The following EXOC6B variants were observed in gnomAD, a reference collection of about 807,000 sequenced individuals.
The protein encoded by EXOC6B is exocyst complex component 6B.
EXOC6B carries 54 observed loss-of-function variants against 113.5 expected under a neutral mutation model. The observed-to-expected ratio is 0.48, with a 90% confidence interval of 0.38 to 0.60. The LOEUF is 0.60. Among genes scored for constraint, EXOC6B ranks in the 20% least tolerant of loss-of-function variants. The pLI is 0.00. For missense variants in EXOC6B, 797 were observed against 977.5 expected (o/e 0.82, Z 2.46); for synonymous variants, 357 against 339.0 (o/e 1.05, Z -0.58).
intron 6 of EXOC6B, among the ~76,000 whole-genome samples, chr2:72,667,395 C>CA (rs1675470282): frequency 6.6e-6 from 1 of 151,868 alleles, no homozygotes; most frequent in African/African-American, 2.4e-5. Flanking sequence ...CATATGGAAC[C>CA]AAAAAAGAGC....
intron 6 of EXOC6B, among the ~76,000 whole-genome samples, chr2:72,700,832 T>C (rs984777765): frequency 6.6e-6 from 1 of 152,104 alleles, no homozygotes; most frequent in African/African-American, 2.4e-5. Flanking sequence ...GTGCCTGTAA[T>C]CCCAGCTACT....
chr2:72,694,885 A>G (rs550201291), intron 6 of EXOC6B, among the ~76,000 whole-genome samples: 1 of 152,336 alleles, frequency 6.6e-6, no homozygotes, highest in South Asian at 2.1e-4. Context: ...TTCACCCTGG[A>G]GCCCTCCATT....
At chr2:72,257,572 T>C (rs1683429612) in intron 20 of EXOC6B, among the ~76,000 whole-genome samples, 1 of 152,208 alleles carries the variant, frequency 6.6e-6, no homozygotes, top group South Asian at 2.1e-4. Context: ...CTTAATGCAG[T>C]GTGTTAACAA....
At chr2:72,476,176 A>G (rs145840458) in intron 17 of EXOC6B, among the ~76,000 whole-genome samples, 49 of 152,250 alleles carry the variant, frequency 3.2e-4, no homozygotes, top group African/African-American at 1.2e-3. Context: ...AGACTCTCCT[A>G]TTGCCAGGAT....
chr2:72,183,002 G>T, intron 21 of EXOC6B: 1 of 784,430 alleles, frequency 1.3e-6, no homozygotes, highest in Non-Finnish European at 1.7e-6. Flanking sequence ...TGCAGTCTGA[G>T]TTTTTAGTCT....
chr2:72,401,959 T>A (rs1693363480), intron 18 of EXOC6B, among the ~76,000 whole-genome samples: 2 of 151,396 alleles, frequency 1.3e-5, no homozygotes, highest in Admixed American at 1.3e-4. Flanking sequence ...TGACATAAGA[T>A]TTTTTTTAAA....
intron 6 of EXOC6B, among the ~76,000 whole-genome samples, chr2:72,680,727 A>G (rs1676639493): frequency 6.6e-6 from 1 of 151,948 alleles, no homozygotes; most frequent in Admixed American, 6.6e-5. Context: ...TGACAGAGCA[A>G]GACTCCATCT....
At chr2:72,306,739 A>G (rs1473897526) in intron 20 of EXOC6B, among the ~76,000 whole-genome samples, 2 of 152,140 alleles carry the variant, frequency 1.3e-5, no homozygotes, top group Non-Finnish European at 2.9e-5. Context: ...AATTTACTCA[A>G]TTATATCTAA....
At chr2:72,449,447 A>T (rs1443598766) in intron 18 of EXOC6B, among the ~76,000 whole-genome samples, 1 of 151,738 alleles carries the variant, frequency 6.6e-6, no homozygotes, top group Non-Finnish European at 1.5e-5. Context: ...CTGGAATTAC[A>T]AGCGTGAGCC....
chr2:72,391,600 G>A (rs1041942722), intron 18 of EXOC6B, among the ~76,000 whole-genome samples: 5 of 152,108 alleles, frequency 3.3e-5, no homozygotes, highest in Non-Finnish European at 2.9e-5. Context: ...AAATTCTCAA[G>A]CATTCTCAAG....
intron 6 of EXOC6B, among the ~76,000 whole-genome samples, chr2:72,710,913 A>G (rs376737754): frequency 1.1e-4 from 16 of 152,324 alleles, no homozygotes; most frequent in African/African-American, 3.1e-4. Flanking sequence ...AATCAGTTAC[A>G]TAACCCATAT....
intron 6 of EXOC6B, among the ~76,000 whole-genome samples, chr2:72,637,441 AC>A (rs1445195050): frequency 6.6e-6 from 1 of 152,154 alleles, no homozygotes; most frequent in Non-Finnish European, 1.5e-5. Flanking sequence ...CAAGAAAAAA[AC>A]AAACAACTCC....
At chr2:72,217,902 A>C (rs1365086765) in intron 20 of EXOC6B, among the ~76,000 whole-genome samples, 1 of 152,232 alleles carries the variant, frequency 6.6e-6, no homozygotes, top group African/African-American at 2.4e-5. Flanking sequence ...TATGGTCATT[A>C]TGTACCAGAC....
intron 18 of EXOC6B, among the ~76,000 whole-genome samples, chr2:72,380,411 G>A (rs539550058): frequency 7.2e-4 from 110 of 152,190 alleles, no homozygotes; most frequent in Non-Finnish European, 1.2e-3. Context: ...AGGCCGAGGC[G>A]GGCAGATCAC....
intron 20 of EXOC6B, among the ~76,000 whole-genome samples, chr2:72,226,471 C>A (rs1251909009): frequency 2.0e-5 from 3 of 152,114 alleles, no homozygotes; most frequent in African/African-American, 7.2e-5. Flanking sequence ...ACAAGGCTAT[C>A]CCAGCAGGGG....
At chr2:72,242,407 A>G (rs993030964) in intron 20 of EXOC6B, among the ~76,000 whole-genome samples, 2 of 152,226 alleles carry the variant, frequency 1.3e-5, no homozygotes, top group Admixed American at 6.5e-5. Context: ...GCACTCACAC[A>G]TGATGCAGCA....
chr2:72,275,921 G>A (rs921376512), intron 20 of EXOC6B, among the ~76,000 whole-genome samples: 3 of 152,118 alleles, frequency 2.0e-5, no homozygotes, highest in Non-Finnish European at 2.9e-5. Flanking sequence ...GAGGCCACTC[G>A]GAGTTCATGG....
intron 18 of EXOC6B, among the ~76,000 whole-genome samples, chr2:72,397,539 G>C (rs957777160): frequency 6.6e-6 from 1 of 150,796 alleles, no homozygotes. Flanking sequence ...AGAATCGCTT[G>C]AGCCCAGGAG....
In EXOC6B at chr2:72,201,683, T is replaced by C. The variant is rs372865738; in HGVS notation, c.2197-17496A>G. Among the ~76,000 whole-genome samples, 19 of 152,316 alleles carry C rather than the reference T, an allele frequency of 1.2e-4. 1 individual carries two copies. Among genetic ancestry groups the C allele is most frequent in the African/African-American group, 4.3e-4 (18 of 41,574 alleles). ...AAACTATTTCTTCTCTGAATTGTAA[T>C]GTTAGGGAGTTACATCCCCATTTCT... is the stretch of plus-strand genomic sequence containing the variant. On this transcript the variant is annotated intron_variant, in intron 20 of 21. Coordinates refer to ENST00000272427, the MANE Select transcript of EXOC6B (RefSeq NM_015189.3).
Sources: gnomAD v4.1 joint callset for allele counts (sites outside exome capture counted in the v4.1 genomes callset) on GRCh38, gnomAD v4.1.1 for gene constraint, MANE v1.5 for transcripts, NCBI Gene and HGNC (gene_info 2026-07-23, HGNC 2026-07-21) for gene names.